The following ADAR variants were observed in gnomAD, a reference collection of about 807,000 sequenced individuals.
The protein encoded by ADAR is double-stranded RNA-specific adenosine deaminase.
ADAR carries 41 observed loss-of-function variants against 113.2 expected under a neutral mutation model. The ratio of observed to expected loss-of-function variants is 0.36; its 90% CI spans 0.28 to 0.47. The LOEUF is 0.47. Among genes scored for constraint, ADAR ranks in the 20% least tolerant of loss-of-function variants. The pLI, the probability that ADAR is intolerant of heterozygous loss-of-function variation, is 1.00. For synonymous variants in ADAR, 605 were observed against 572.6 expected, an observed-to-expected ratio of 1.06 and a Z score of -0.81; for missense variants, 1,242 against 1,540.9, an observed-to-expected ratio of 0.81 and a Z score of 3.25.
intron 9 of ADAR, 139 bp from the exon 10 acceptor site, chr1:154,588,812 T>A: frequency 8.1e-7 from 1 of 1,229,842 alleles, no homozygotes; most frequent in Non-Finnish European, 1.2e-6. Flanking sequence ...GTGGAAATTC[T>A]CCAGGGGAGA....
At chr1:154,619,424 G>C (rs1016175280) in intron 1 of ADAR, among the ~76,000 whole-genome samples, 1 of 152,164 alleles carries the variant, frequency 6.6e-6, no homozygotes, top group African/African-American at 2.4e-5. Flanking sequence ...CTGGGTTGCT[G>C]AATCAACCAT....
chr1:154,620,341 G>C (rs1479250860), intron 1 of ADAR, among the ~76,000 whole-genome samples: 1 of 152,122 alleles, frequency 6.6e-6, no homozygotes, highest in African/African-American at 2.4e-5. Flanking sequence ...GGGAGGTGGA[G>C]GTTGCAGGGA....
intron 1 of ADAR, among the ~76,000 whole-genome samples, chr1:154,618,396 G>A (rs1419319893): frequency 1.3e-5 from 2 of 152,140 alleles, no homozygotes; most frequent in African/African-American, 4.8e-5. Context: ...AATACTATGA[G>A]GTTGGGGCAG....
chr1:154,610,010 T>A (rs78730640), upstream of ADAR, among the ~76,000 whole-genome samples: 1,373 of 152,232 alleles, frequency 9.0e-3, 14 homozygotes, highest in African/African-American at 0.032. Context: ...GGTATAACAA[T>A]GGGCAAAAAC....
intron 1 of ADAR, among the ~76,000 whole-genome samples, chr1:154,616,368 T>C (rs1453496991): frequency 6.6e-6 from 1 of 152,172 alleles, no homozygotes; most frequent in Non-Finnish European, 1.5e-5. Context: ...TGTTGGACCA[T>C]GCCCCATCTC....
chr1:154,603,656 T>C (rs1698021109), intron 1 of ADAR, among the ~76,000 whole-genome samples: 1 of 151,986 alleles, frequency 6.6e-6, no homozygotes, highest in African/African-American at 2.4e-5. Flanking sequence ...TGCAAACCAG[T>C]ACTGTCTTCT....
chr1:154,612,358 G>T (rs9427101), upstream of ADAR, among the ~76,000 whole-genome samples: 5 of 136,136 alleles, frequency 3.7e-5, no homozygotes, highest in South Asian at 4.9e-4. Flanking sequence ...GATGGAGTCT[G>T]GCTCTGTCAC....
intron 1 of ADAR, among the ~76,000 whole-genome samples, chr1:154,623,553 C>G (rs1698852219): frequency 6.6e-6 from 1 of 152,218 alleles, no homozygotes; most frequent in Admixed American, 6.5e-5. Flanking sequence ...GGGCAGTTTA[C>G]TTCCTCATCC....
rs563012577 is a variant in ADAR, at chr1:154,598,067, T to TCCCACCA, written c.1786-98_1786-92dup. On this transcript the variant is annotated intron_variant, in intron 3 of 14. Transcript: ENST00000368474. The stretch of plus-strand genomic sequence containing the variant: ...AAGGGATGGGGATGGGGGACTTTAT[T>TCCCACCA]CCCACCACCTGTCAAGGGGTTGGCT... The TCCCACCA allele has an allele frequency of 3.1e-4, 452 of 1,442,762 alleles. 1 individual carries two copies. The East Asian group carries it at 9.8e-3, about 31-fold the overall frequency. The allele number at this position is 1,442,762 out of a possible 1,614,324, so 89.4% of individuals were successfully genotyped here.
Position 154,584,893 on chromosome 1 carries a change from G to T in ADAR, c.3594C>A (p.Tyr1198Ter). The change falls in exon 15 of 15, where the codon TAC (tyrosine) becomes TAA (stop). Residue 1198 changes from tyrosine (Y) to a stop codon, truncating the protein, a stop_gained. Coordinates refer to ENST00000368474, the MANE Select transcript of ADAR (RefSeq NM_001111.5). LOFTEE classifies it high-confidence loss of function. ...AARDYETAKNYFKKGLKDMGY... is the reference protein window; with the variant it reads ...AARDYETAKN The stretch of plus-strand genomic sequence containing the variant: ...CCATATCCTTCAGGCCTTTTTTGAA[G>T]TAGTTCTTGGCCGTCTCGTAGTCAC... The T allele has an allele frequency of 6.2e-7, 1 of 1,614,142 alleles. No individual in the cohort carries two copies. Among genetic ancestry groups the T allele is most frequent in the Non-Finnish European group, 8.5e-7 (1 of 1,180,036 alleles).
intron 1 of ADAR, among the ~76,000 whole-genome samples, chr1:154,617,430 G>GA (rs1302163795): frequency 2.0e-5 from 3 of 152,144 alleles, no homozygotes; most frequent in Non-Finnish European, 4.4e-5. Flanking sequence ...GATTCTGCAC[G>GA]AAAGTGACCC....
At chr1:154,597,029 AAC>A (rs1220320049) in intron 5 of ADAR, 34 bp from the exon 6 acceptor site, 20 of 1,614,000 alleles carry the variant, frequency 1.2e-5, no homozygotes, top group Non-Finnish European at 1.6e-5. Flanking sequence ...AGGAGCCATA[AAC>A]ACTTCAGGAA....
intron 9 of ADAR, 34 bp downstream of exon 9, chr1:154,589,335 C>G: frequency 3.2e-6 from 5 of 1,571,580 alleles, no homozygotes; most frequent in Non-Finnish European, 4.4e-6. Flanking sequence ...TCTCCACAGC[C>G]GGGCAGCCGG....
chr1:154,610,817 A>AAAAAAT (rs1698461390), upstream of ADAR, among the ~76,000 whole-genome samples: 1 of 37,694 alleles, frequency 2.7e-5, no homozygotes, highest in Non-Finnish European at 5.5e-5. Context: ...TCAAAAAAAA[A>AAAAAAT]AAAAAAGAAA....
At position 154,588,271 on chromosome 1, in the gene ADAR, G is replaced by A. The variant is rs746596725; in HGVS notation, c.2886-13C>T. On this transcript the variant is annotated splice_polypyrimidine_tract_variant and intron_variant, in intron 10 of 14. Transcript: ENST00000368474. ...ACACGGAGCAGTGCTGAAAAACAGG[G>A]GTGGCTGTTAAAACTCACCTGTGGG... 5.0e-6 allele frequency: 8 copies of A among 1,614,138 alleles called. No individual in the cohort carries two copies. The South Asian group carries it at 6.6e-5, about 13-fold the overall frequency.
In ADAR at chr1:154,602,178, G is replaced by T; in HGVS notation, c.464C>A (p.Ala155Asp). ...KFLEELGEGK[A>D]TTAHDLSGKL... ...CCCAGACAGATCATGTGCTGTGGTG[G>T]CCTTCCCTTCCCCAAGCTCTTCCAG... Residue 155 changes from alanine to aspartate, a missense_variant, in exon 2 of 15, where the codon GCC (alanine) becomes GAC (aspartate). Physicochemically the swap from Ala to Asp is moderately radical, Grantham distance 126 (BLOSUM62 -2). Coordinates refer to ENST00000368474, the MANE Select transcript of ADAR (RefSeq NM_001111.5). 1 of 1,614,160 alleles carries T rather than the reference G, an allele frequency of 6.2e-7. No individual in the cohort carries two copies. The highest frequency in any genetic ancestry group is 2.2e-5 in the East Asian group (1 of 44,884).
intron 11 of ADAR, among the ~76,000 whole-genome samples, chr1:154,586,949 G>A (rs956243758): frequency 6.6e-6 from 1 of 151,308 alleles, no homozygotes; most frequent in Non-Finnish European, 1.5e-5. Flanking sequence ...CCACTATCGG[G>A]TTTAAAAAAA....
At chr1:154,591,771 C>T (rs1316288391) in intron 6 of ADAR, among the ~76,000 whole-genome samples, 1 of 152,234 alleles carries the variant, frequency 6.6e-6, no homozygotes, top group African/African-American at 2.4e-5. Flanking sequence ...TTATGTTCAA[C>T]CACATGGAGT....
At chr1:154,621,654 T>C (rs1222402612) in intron 1 of ADAR, among the ~76,000 whole-genome samples, 6 of 152,190 alleles carry the variant, frequency 3.9e-5, no homozygotes, top group Admixed American at 2.0e-4. Context: ...TAAAATGAGA[T>C]GCTATTTCAA....
Sources: allele counts gnomAD v4.1 joint callset (sites outside exome capture counted in the v4.1 genomes callset), GRCh38; gene constraint gnomAD v4.1.1; transcripts MANE v1.5; gene names NCBI Gene and HGNC (gene_info 2026-07-23, HGNC 2026-07-21).